DIP2C: variants seen among roughly 807,000 people sequenced by gnomAD.
DIP2C encodes the protein DIP2 acetate--CoA ligase C (putative).
A neutral mutation model predicts 192.4 loss-of-function variants in DIP2C; 33 were observed. That is an observed-to-expected ratio of 0.17 (90% confidence interval 0.13 to 0.23). The LOEUF is 0.23. Among genes scored for constraint, DIP2C ranks in the 10% least tolerant of loss-of-function variants. The pLI, the probability that DIP2C is intolerant of heterozygous loss-of-function variation, is 1.00. For synonymous variants in DIP2C, 979 were observed against 864.1 expected, an observed-to-expected ratio of 1.13 and a Z score of -2.33; for missense variants, 1,537 against 2,110.1, an observed-to-expected ratio of 0.73 and a Z score of 5.32.
chr10:519,143 T>C (rs892134049), intron 1 of DIP2C, among the ~76,000 whole-genome samples: 3 of 152,220 alleles, frequency 2.0e-5, no homozygotes, highest in Non-Finnish European at 4.4e-5. Context: ...CTGGAGTCCT[T>C]GGCTCAGGTA....
At chr10:615,614 T>TACACACACACACCCGCCCC (rs1554756149) in intron 1 of DIP2C, among the ~76,000 whole-genome samples, 1 of 150,540 alleles carries the variant, frequency 6.6e-6, no homozygotes, top group Non-Finnish European at 1.5e-5. Flanking sequence ...TAGGTTCATA[T>TACACACACACACCCGCCCC]ACACACACAC....
intron 1 of DIP2C, among the ~76,000 whole-genome samples, chr10:661,747 T>C (rs1326190805): frequency 6.6e-6 from 1 of 152,204 alleles, no homozygotes; most frequent in Admixed American, 6.5e-5. Flanking sequence ...CACTTCTATG[T>C]AGGAGGCTCC....
At chr10:294,026 T>A (rs1955623434) in intron 32 of DIP2C, among the ~76,000 whole-genome samples, 1 of 152,224 alleles carries the variant, frequency 6.6e-6, no homozygotes. Context: ...TACCAAAGCA[T>A]ACTTTGTGTA....
rs755451662 is a variant in DIP2C, at chr10:689,587, G to A, written c.-9C>T. 3.5e-6 allele frequency: 4 copies of A among 1,157,900 alleles called. No individual in the cohort carries two copies. Among genetic ancestry groups the A allele is most frequent in the South Asian group, 5.2e-5 (2 of 38,490 alleles). 71.7% of individuals were successfully genotyped at this position (1,157,900 alleles called of 1,614,324 possible). A position where few individuals can be genotyped will look rare whatever the true frequency, so the allele number is the denominator to read the frequency against. Reference sequence around the variant, plus strand: ...AGGCTGCGGTCCGCCATGCTCCGCGGGCGCCGCGCCCCGCACGGCCTCCTC... The same window carrying A: ...AGGCTGCGGTCCGCCATGCTCCGCGAGCGCCGCGCCCCGCACGGCCTCCTC... On this transcript the variant is annotated 5_prime_UTR_variant, in exon 1 of 37. Transcript: ENST00000280886. This position sits in a 1 kb window ranked among gnomAD's most constrained non-coding sequence, Gnocchi z 6.1.
rs371271447 is a variant in DIP2C at position 518,600 on chromosome 10, C to T, written c.86-32070G>A. ...CACTGTGTCAGGGCCAGAGAGAAGGCGTGTGCCAACCAGGAAGGGGCCCAC... is the reference window on the plus strand; with the variant it reads ...CACTGTGTCAGGGCCAGAGAGAAGGTGTGTGCCAACCAGGAAGGGGCCCAC... On this transcript the variant is annotated intron_variant, in intron 1 of 36. Coordinates refer to ENST00000280886, the MANE Select transcript of DIP2C (RefSeq NM_014974.3). 1.6e-3 allele frequency among the ~76,000 whole-genome samples: 238 copies of T among 152,300 alleles called. 2 individuals are homozygous for T. Among genetic ancestry groups the T allele is most frequent in the African/African-American group, 4.7e-3 (197 of 41,566 alleles).
At chr10:453,458 C>T (rs937753116) in intron 3 of DIP2C, among the ~76,000 whole-genome samples, 1 of 152,188 alleles carries the variant, frequency 6.6e-6, no homozygotes, top group African/African-American at 2.4e-5. Context: ...AATACAAATG[C>T]TTAAAACGAT....
At chr10:531,363 T>C (rs569353766) in intron 1 of DIP2C, among the ~76,000 whole-genome samples, 1 of 152,180 alleles carries the variant, frequency 6.6e-6, no homozygotes, top group African/African-American at 2.4e-5. Context: ...CCTCCCCTCC[T>C]GAGGGGCGTG....
At chr10:611,217 C>T (rs1004548413) in intron 1 of DIP2C, among the ~76,000 whole-genome samples, 2 of 152,092 alleles carry the variant, frequency 1.3e-5, no homozygotes, top group Non-Finnish European at 2.9e-5. Context: ...TCTTTCCGGC[C>T]ATGTAAAGAC....
intron 1 of DIP2C, among the ~76,000 whole-genome samples, chr10:490,294 C>G (rs1844340823): frequency 6.6e-6 from 1 of 152,238 alleles, no homozygotes. Context: ...TTGCGTCCAT[C>G]AGGGCATGTG....
chr10:349,444 G>T lies in DIP2C; in HGVS notation c.2996C>A (p.Ala999Glu). 1 of 1,606,402 alleles carries T rather than the reference G, an allele frequency of 6.2e-7. No homozygotes were observed. Residue 999 changes from alanine to glutamate, a missense_variant, in exon 25 of 37, where the codon GCG (alanine) becomes GAG (glutamate). Physicochemically the swap from Ala to Glu is moderately radical, Grantham distance 107 (BLOSUM62 -1). Transcript: ENST00000280886. ...CAGCTGCACGCAGGTCAGCGAGTTC[G>T]CTATCGCACCCTGCGGGCCGATCAC... ...YTLLNCRGAIANSLTCVQLHK... is the reference protein window; with the variant it reads ...YTLLNCRGAIENSLTCVQLHK...
chr10:603,869 G>A (rs1370710044), intron 1 of DIP2C, among the ~76,000 whole-genome samples: 1 of 152,104 alleles, frequency 6.6e-6, no homozygotes, highest in African/African-American at 2.4e-5. Flanking sequence ...AGGCCACCAT[G>A]CAGCTTGGCT....
chr10:571,983 G>C (rs1849844563), intron 1 of DIP2C, among the ~76,000 whole-genome samples: 1 of 152,190 alleles, frequency 6.6e-6, no homozygotes, highest in South Asian at 2.1e-4. Flanking sequence ...ATATGTTCTT[G>C]GTTTCATGTT....
At chr10:662,305 G>A (rs891135301) in intron 1 of DIP2C, among the ~76,000 whole-genome samples, 5 of 152,252 alleles carry the variant, frequency 3.3e-5, no homozygotes, top group African/African-American at 7.2e-5. Context: ...CGCACTTGGA[G>A]AACACTTGCT....
At chr10:285,718 C>T (rs1955080652) in intron 34 of DIP2C, among the ~76,000 whole-genome samples, 1 of 152,260 alleles carries the variant, frequency 6.6e-6, no homozygotes, top group Middle Eastern at 3.2e-3. Context: ...AGGCGTCTTT[C>T]TCTAGCTGCA....
Position 349,110 on chromosome 10 carries a change from G to C in DIP2C, c.3109+221C>G, listed in dbSNP as rs370997394. Among the ~76,000 whole-genome samples, 4 of 152,362 alleles carry C rather than the reference G, an allele frequency of 2.6e-5. No individual in the cohort carries two copies. In the East Asian group the frequency reaches 5.8e-4, roughly 22 times the overall value. ...AATTTGGATATAAAAGTCATTGAAA[G>C]CATCACTTTATTGACGCCTCTCACA... On this transcript the variant is annotated intron_variant, in intron 25 of 36. Coordinates refer to ENST00000280886, the MANE Select transcript of DIP2C (RefSeq NM_014974.3).
At chr10:512,883 C>CA (rs1442749354) in intron 1 of DIP2C, among the ~76,000 whole-genome samples, 1 of 144,154 alleles carries the variant, frequency 6.9e-6, no homozygotes, top group Non-Finnish European at 1.5e-5. Context: ...CACTGTACTC[C>CA]ACTCCAGCCT....
At chr10:522,633 G>A (rs956691005) in intron 1 of DIP2C, among the ~76,000 whole-genome samples, 10 of 152,238 alleles carry the variant, frequency 6.6e-5, no homozygotes, top group African/African-American at 2.2e-4. Context: ...CATAAGACAC[G>A]GACCATCTTT....
intron 1 of DIP2C, among the ~76,000 whole-genome samples, chr10:598,224 G>A (rs2131679615): frequency 6.6e-6 from 1 of 152,010 alleles, no homozygotes; most frequent in African/African-American, 2.4e-5. Flanking sequence ...GGGCCACGAG[G>A]GCCTCCCTCC....
intron 1 of DIP2C, among the ~76,000 whole-genome samples, chr10:554,737 TG>T (rs1848753716): frequency 6.6e-6 from 1 of 152,188 alleles, no homozygotes; most frequent in Non-Finnish European, 1.5e-5. Flanking sequence ...AAATACAGCC[TG>T]GGGAGCAATC....
Sources: allele counts gnomAD v4.1 joint callset (sites outside exome capture counted in the v4.1 genomes callset), GRCh38; gene constraint gnomAD v4.1.1; non-coding constraint Gnocchi (gnomAD v3.1); transcripts MANE v1.5; gene names NCBI Gene and HGNC (gene_info 2026-07-23, HGNC 2026-07-21).